The following SRP54 variants were observed in gnomAD, a reference collection of about 807,000 sequenced individuals.
SRP54 encodes signal recognition particle subunit SRP54.
In SRP54, 10 loss-of-function variants were observed where a neutral mutation model predicts 64.8. The ratio of observed to expected loss-of-function variants is 0.15; its 90% confidence interval spans 0.10 to 0.26. The LOEUF (loss-of-function observed/expected upper bound fraction) is 0.26. Ranked by LOEUF, SRP54 falls within the 10% of genes least tolerant of loss-of-function variation. SRP54 has a pLI of 1.00. For missense variants in SRP54, 325 were observed against 613.7 expected, an observed-to-expected ratio of 0.53 and a Z score of 4.97; for synonymous variants, 193 against 185.6, an observed-to-expected ratio of 1.04 and a Z score of -0.32.
chr14:35,018,841 A>G, intron 12 of SRP54, 76 bp downstream of exon 12: 1 of 1,465,820 alleles, frequency 6.8e-7, no homozygotes, highest in Non-Finnish European at 9.4e-7. Context: ...TGCTTTAATT[A>G]TTTTTACATT....
intron 8 of SRP54, 92 bp downstream of exon 8, chr14:35,011,751 T>C (rs2044360372): frequency 7.7e-6 from 9 of 1,171,804 alleles, no homozygotes; most frequent in African/African-American, 1.6e-5. Flanking sequence ...AAATTATTCT[T>C]TGCCTGTGAG....
intron 14 of SRP54, 162 bp from the exon 15 acceptor site, chr14:35,027,926 A>C (rs1246837319): frequency 3.4e-5 from 14 of 409,230 alleles, no homozygotes; most frequent in Non-Finnish European, 6.0e-5. Context: ...GAAAAAGATT[A>C]GAAGGGAATA....
intron 14 of SRP54, among the ~76,000 whole-genome samples, chr14:35,025,544 T>C (rs748340699): frequency 1.3e-5 from 2 of 152,200 alleles, no homozygotes; most frequent in Non-Finnish European, 2.9e-5. Context: ...CCAGATCTTA[T>C]CTATGCATTG....
intron 11 of SRP54, 168 bp from the exon 12 acceptor site, chr14:35,018,524 C>G (rs1211143904): frequency 1.7e-6 from 1 of 596,650 alleles, no homozygotes; most frequent in Non-Finnish European, 3.0e-6. Context: ...GTATTCTCCC[C>G]AGCATTCATC....
At chr14:35,010,062 C>A (rs951137081) in intron 7 of SRP54, among the ~76,000 whole-genome samples, 2 of 151,368 alleles carry the variant, frequency 1.3e-5, no homozygotes, top group East Asian at 3.9e-4. Context: ...GCAGAAGAAT[C>A]GCTTGAATCT....
In SRP54 at chr14:35,027,026, C is replaced by CTT. The variant is rs368696128; in HGVS notation, c.1328-1047_1328-1046dup. On this transcript the variant is annotated intron_variant, in intron 14 of 15. Coordinates refer to ENST00000216774, the MANE Select transcript of SRP54 (RefSeq NM_003136.4). ...AGACTCATACTTTACTTTCTACTTTCTTTTTTTTTTTTTTTTCTTCTGAGA... is the reference window on the plus strand; with the variant it reads ...AGACTCATACTTTACTTTCTACTTTCTTTTTTTTTTTTTTTTTTCTTCTGAGA... Among the ~76,000 whole-genome samples, 60 of 135,056 alleles carry CTT rather than the reference C, an allele frequency of 4.4e-4. 1 individual carries two copies. Among genetic ancestry groups the CTT allele is most frequent in the Middle Eastern group, 3.8e-3 (1 of 260 alleles). 88.6% of individuals were successfully genotyped at this position (135,056 alleles called of 152,430 possible). A position where few individuals can be genotyped will look rare whatever the true frequency, so the allele number is the denominator to read the frequency against.
chr14:35,016,628 C>T (rs58965458), intron 11 of SRP54, among the ~76,000 whole-genome samples: 2 of 152,160 alleles, frequency 1.3e-5, no homozygotes, highest in East Asian at 3.9e-4. Flanking sequence ...ACAGATGTTT[C>T]TATCACTTCC....
intron 13 of SRP54, among the ~76,000 whole-genome samples, chr14:35,019,817 A>G (rs1360829464): frequency 1.3e-5 from 2 of 152,234 alleles, no homozygotes; most frequent in African/African-American, 2.4e-5. Context: ...ACAAATACAT[A>G]TACTGTAGTC....
At chr14:34,991,796 A>AT (rs531062468) in intron 1 of SRP54, among the ~76,000 whole-genome samples, 82 of 152,206 alleles carry the variant, frequency 5.4e-4, no homozygotes, top group African/African-American at 1.8e-3. Flanking sequence ...AATGGAAGTC[A>AT]TTGAGATTTT....
rs182244853 is a variant in SRP54 at position 35,018,609 on chromosome 14, T to C, written c.974-83T>C. The stretch of plus-strand genomic sequence containing the variant: ...TTTTATAAATATGCTTCAAGATGAA[T>C]TCATGATTAAGGAATAAATTAGTTT... On this transcript the variant is annotated intron_variant, in intron 11 of 15. Coordinates refer to ENST00000216774, the MANE Select transcript of SRP54 (RefSeq NM_003136.4). 4.8e-4 allele frequency: 522 copies of C among 1,078,468 alleles called. 4 individuals carry two copies. The highest frequency in any genetic ancestry group is 2.2e-5 in the Non-Finnish European group (16 of 725,958). The allele number at this position is 1,078,468 out of a possible 1,614,324, so 66.8% of individuals were successfully genotyped here.
intron 14 of SRP54, among the ~76,000 whole-genome samples, chr14:35,026,985 A>G (rs1484394710): frequency 6.6e-6 from 1 of 150,800 alleles, no homozygotes; most frequent in African/African-American, 2.4e-5. Flanking sequence ...ATACATACAC[A>G]TCTTCACGTT....
chr14:34,994,258 C>CA (rs1167285902), intron 1 of SRP54, among the ~76,000 whole-genome samples: 1 of 152,142 alleles, frequency 6.6e-6, no homozygotes, highest in Admixed American at 6.5e-5. Flanking sequence ...CTCGGCCTCC[C>CA]AAAGTGCTGG....
Position 35,022,099 on chromosome 14 carries a change from T to C in SRP54, c.1157-811T>C, listed in dbSNP as rs577776037. Among the ~76,000 whole-genome samples the C allele has an allele frequency of 2.0e-5, 3 of 152,270 alleles. No homozygotes were observed. In the East Asian group the frequency reaches 5.8e-4, roughly 29 times the overall value. On this transcript the variant is annotated intron_variant, in intron 13 of 15. Transcript: ENST00000216774. ...GAACGTACCTCTTTCTGCTTGCTTA[T>C]ATAGTCTACATTATGAATTTATGAT...
chr14:34,995,557 C>T (rs1376263366), intron 1 of SRP54, among the ~76,000 whole-genome samples: 1 of 152,128 alleles, frequency 6.6e-6, no homozygotes, highest in Non-Finnish European at 1.5e-5. Context: ...GACTACAAAT[C>T]ATATTTGCTT....
At chr14:35,004,050 G>C (rs567786888) in intron 4 of SRP54, among the ~76,000 whole-genome samples, 2 of 151,944 alleles carry the variant, frequency 1.3e-5, no homozygotes, top group East Asian at 1.9e-4. Context: ...TTTGAGACCA[G>C]CCTGACCAAC....
chr14:35,028,628 C>T (rs2044672759), intron 15 of SRP54, among the ~76,000 whole-genome samples: 1 of 152,146 alleles, frequency 6.6e-6, no homozygotes, highest in African/African-American at 2.4e-5. Context: ...TATATGAAGA[C>T]ATTCAGTACA....
chr14:35,009,275 G>T (rs1363197419), intron 7 of SRP54, among the ~76,000 whole-genome samples: 1 of 151,244 alleles, frequency 6.6e-6, no homozygotes, highest in Non-Finnish European at 1.5e-5. Flanking sequence ...CAAGCTCCTG[G>T]GCTCAAATGA....
intron 4 of SRP54, among the ~76,000 whole-genome samples, chr14:35,005,768 T>C (rs2044247562): frequency 6.6e-6 from 1 of 152,200 alleles, no homozygotes; most frequent in South Asian, 2.1e-4. Context: ...TATAGATTTA[T>C]TATTTTATCA....
At chr14:35,010,540 G>T (rs1340917577) in intron 7 of SRP54, among the ~76,000 whole-genome samples, 1 of 152,134 alleles carries the variant, frequency 6.6e-6, no homozygotes, top group Non-Finnish European at 1.5e-5. Flanking sequence ...GCCAAGGCGG[G>T]CATATCATGA....
Sources: allele counts gnomAD v4.1 joint callset (sites outside exome capture counted in the v4.1 genomes callset), GRCh38; gene constraint gnomAD v4.1.1; transcripts MANE v1.5; gene names NCBI Gene and HGNC (gene_info 2026-07-23, HGNC 2026-07-21).